Variants in ABCB1 observed in about 807,000 individuals in gnomAD.
ABCB1 encodes the protein ATP-dependent translocase ABCB1.
ABCB1 carries 69 observed loss-of-function variants against 142.0 expected under a neutral mutation model. The ratio of observed to expected loss-of-function variants is 0.49; its 90% CI spans 0.40 to 0.59. The LOEUF is 0.59. ABCB1 is among the 20% of genes least tolerant of loss of function. ABCB1 has a pLI of 0.00. For missense variants in ABCB1, 1,326 were observed against 1,554.7 expected (o/e 0.85, Z 2.47); for synonymous variants, 532 against 539.2 (o/e 0.99, Z 0.18).
At chr7:87,527,309 G>C (rs1815826045) in intron 21 of ABCB1, among the ~76,000 whole-genome samples, 1 of 152,136 alleles carries the variant, frequency 6.6e-6, no homozygotes, top group Admixed American at 6.5e-5. Flanking sequence ...GCACCCATGT[G>C]AAAGCTGCAT....
rs760430324 is a variant in ABCB1 at position 87,566,230 on chromosome 7, T to A, written c.542A>T (p.Lys181Met). 1.9e-6 allele frequency: 3 copies of A among 1,614,044 alleles called. No homozygotes were observed. The highest frequency in any genetic ancestry group is 1.6e-4 in the Middle Eastern group (1 of 6,062). Residue 181 changes from lysine to methionine, a missense_variant, in exon 7 of 28, where the codon AAG becomes ATG. Lys to Met is a moderately conservative substitution (Grantham distance 95). Coordinates refer to ENST00000622132, the MANE Select transcript of ABCB1 (RefSeq NM_001348946.2). ...TTTGTCACCAATTCCTTCATTAATC[T>A]TGGAGACATCACTGAAAGAACAGAT... ...LNTRLTDDVS[K>M]INEGIGDKIG...
At chr7:87,595,714 G>A in intron 3 of ABCB1, 52 bp downstream of exon 3, 1 of 1,344,544 alleles carries the variant, frequency 7.4e-7, no homozygotes, top group Non-Finnish European at 1.1e-6. Context: ...TCCATGTAAG[G>A]AGATGTCAAA....
intron 1 of ABCB1, among the ~76,000 whole-genome samples, chr7:87,666,585 T>C (rs1206152321): frequency 6.6e-6 from 1 of 152,180 alleles, no homozygotes. Context: ...CAGGATGGTA[T>C]TTCCTATGTA....
At chr7:87,700,617 G>T in intron 1 of ABCB1, 1 of 1,482,140 alleles carries the variant, frequency 6.7e-7, no homozygotes, top group Non-Finnish European at 9.2e-7. Flanking sequence ...TGGAATAGCA[G>T]GAAGGTGTGA....
chr7:87,662,561 G>C (rs936424321), intron 1 of ABCB1, among the ~76,000 whole-genome samples: 1 of 152,028 alleles, frequency 6.6e-6, no homozygotes. Context: ...TGAGTTAACT[G>C]TAGTTTTATG....
chr7:87,504,099 A>G lies in ABCB1; in HGVS notation c.*144T>C. The G allele has an allele frequency of 3.0e-6, 3 of 1,011,042 alleles. No individual in the cohort carries two copies. In the South Asian group the frequency reaches 4.4e-5, roughly 15 times the overall value. 62.6% of individuals were successfully genotyped at this position (1,011,042 alleles called of 1,614,324 possible). A position where few individuals can be genotyped will look rare whatever the true frequency, so the allele number is the denominator to read the frequency against. Reference sequence around the variant, plus strand: ...CTCTCACTCTGTTCCTTTAATTACGAAGTCTCTGAAGACTCTGAACTTGAC... The same window carrying G: ...CTCTCACTCTGTTCCTTTAATTACGGAGTCTCTGAAGACTCTGAACTTGAC... On this transcript the variant is annotated 3_prime_UTR_variant, in exon 28 of 28. Transcript: ENST00000622132.
chr7:87,672,434 G>A (rs971563952), intron 1 of ABCB1, among the ~76,000 whole-genome samples: 1 of 152,160 alleles, frequency 6.6e-6, no homozygotes, highest in Non-Finnish European at 1.5e-5. Flanking sequence ...TGCTACCGGT[G>A]GCTGGGTAGA....
intron 3 of ABCB1, among the ~76,000 whole-genome samples, chr7:87,589,384 C>G (rs1197891553): frequency 1.3e-5 from 2 of 152,064 alleles, no homozygotes; most frequent in Non-Finnish European, 2.9e-5. Context: ...TAATAATTAA[C>G]AAGACTTTTC....
rs74990983 is a variant in ABCB1 at position 87,552,647 on chromosome 7, TA to T, written c.999+1113del. On this transcript the variant is annotated intron_variant, in intron 9 of 27. Coordinates refer to ENST00000622132, the MANE Select transcript of ABCB1 (RefSeq NM_001348946.2). ...AGGATCACCCACAGCATCACTATAC[TA>T]AAAAAAAAAAACTTCATGGGAAAAG... Among the ~76,000 whole-genome samples, 420 of 107,700 alleles carry T rather than the reference TA, an allele frequency of 3.9e-3. 1 individual carries two copies. The highest frequency in any genetic ancestry group is 0.012 in the African/African-American group (328 of 26,344). The allele number at this position is 107,700 out of a possible 152,430, so 70.7% of individuals were successfully genotyped here.
rs376968860 is a variant in ABCB1, at chr7:87,588,914, C to CT, written c.118-3235dup. On this transcript the variant is annotated intron_variant, in intron 3 of 27. Coordinates refer to ENST00000622132, the MANE Select transcript of ABCB1 (RefSeq NM_001348946.2). Reference sequence around the variant, plus strand: ...TTCTCTAATGATCAGTGATGTTGAGCTTTTTTTATATAATTGTTGGCCACA... The same window carrying CT: ...TTCTCTAATGATCAGTGATGTTGAGCTTTTTTTTATATAATTGTTGGCCACA... 4.7e-3 allele frequency among the ~76,000 whole-genome samples: 723 copies of CT among 152,280 alleles called. 9 individuals are homozygous for CT. The highest frequency in any genetic ancestry group is 0.017 in the African/African-American group (689 of 41,548).
intron 17 of ABCB1, among the ~76,000 whole-genome samples, chr7:87,543,512 G>T (rs1214845276): frequency 1.3e-5 from 2 of 152,068 alleles, no homozygotes; most frequent in South Asian, 2.1e-4. Context: ...TATGGCAAGG[G>T]TGTCCTCAGC....
At chr7:87,646,742 G>A (rs1282488121) in intron 1 of ABCB1, among the ~76,000 whole-genome samples, 1 of 142,710 alleles carries the variant, frequency 7.0e-6, no homozygotes, top group African/African-American at 2.5e-5. Flanking sequence ...GTTTGCCAGG[G>A]ATTGGCAGCA....
At chr7:87,664,106 T>A (rs1824990702) in intron 1 of ABCB1, among the ~76,000 whole-genome samples, 1 of 152,174 alleles carries the variant, frequency 6.6e-6, no homozygotes, top group Non-Finnish European at 1.5e-5. Context: ...TATATCTTCT[T>A]GTCTCTGTGC....
chr7:87,683,158 A>T (rs1827098141), intron 1 of ABCB1, among the ~76,000 whole-genome samples: 1 of 152,134 alleles, frequency 6.6e-6, no homozygotes, highest in African/African-American at 2.4e-5. Context: ...TGCCTCTCTC[A>T]TCCTTCATAG....
chr7:87,520,910 A>G, intron 21 of ABCB1, 34 bp from the exon 22 acceptor site: 2 of 1,486,500 alleles, frequency 1.3e-6, no homozygotes, highest in African/African-American at 1.4e-5. Flanking sequence ...CAAGAGGCAC[A>G]AGAGTAAATA....
At position 87,591,390 on chromosome 7, in the gene ABCB1, C is replaced by T. The variant is rs73705265; in HGVS notation, c.117+4376G>A. Among the ~76,000 whole-genome samples the T allele has an allele frequency of 3.1e-3, 469 of 152,146 alleles. 3 individuals carry two copies. Among genetic ancestry groups the T allele is most frequent in the African/African-American group, 0.011 (440 of 41,492 alleles). The stretch of plus-strand genomic sequence containing the variant: ...ACAGCAGCAATAGGAAATGAATACA[C>T]AATGTCAAAAGAGGGATGATAAAGA... On this transcript the variant is annotated intron_variant, in intron 3 of 27. Transcript: ENST00000622132.
intron 15 of ABCB1, 127 bp from the exon 16 acceptor site, chr7:87,545,126 A>T: frequency 3.6e-6 from 3 of 824,958 alleles, no homozygotes; most frequent in East Asian, 5.3e-5. Context: ...GGATAAAGCT[A>T]ATCTGCTGTG....
chr7:87,594,340 T>C (rs185166354), intron 3 of ABCB1, among the ~76,000 whole-genome samples: 2 of 152,308 alleles, frequency 1.3e-5, no homozygotes, highest in Non-Finnish European at 2.9e-5. Flanking sequence ...ATGAAATACT[T>C]AGGACAATGC....
chr7:87,504,535 A>ATGG (rs1432859103), intron 27 of ABCB1, 86 bp from the exon 28 acceptor site: 1 of 1,547,124 alleles, frequency 6.5e-7, no homozygotes, highest in Non-Finnish European at 8.8e-7. Flanking sequence ...TAGGACGGGC[A>ATGG]TGGTGGCTCA....
Sources: allele counts gnomAD v4.1 joint callset (sites outside exome capture counted in the v4.1 genomes callset), GRCh38; gene constraint gnomAD v4.1.1; transcripts MANE v1.5; gene names NCBI Gene and HGNC (gene_info 2026-07-23, HGNC 2026-07-21).